UNC13B: variants seen among roughly 807,000 people sequenced by gnomAD.
The protein encoded by UNC13B is protein unc-13 homolog B.
UNC13B carries 144 observed loss-of-function variants against 211.0 expected under a neutral mutation model. The observed-to-expected ratio is 0.68, with a 90% CI of 0.60 to 0.78. The LOEUF (loss-of-function observed/expected upper bound fraction) is 0.78. UNC13B is among the 30% of genes least tolerant of loss of function. The pLI, the probability that UNC13B is intolerant of heterozygous loss-of-function variation, is 0.00. For synonymous variants in UNC13B, 709 were observed against 725.8 expected (o/e 0.98, Z 0.37); for missense variants, 1,777 against 2,002.0 (o/e 0.89, Z 2.14).
In UNC13B at chr9:35,251,186, G is replaced by A. The variant is rs367917673; in HGVS notation, c.469-7807G>A. Among the ~76,000 whole-genome samples, 34 of 151,916 alleles carry A rather than the reference G, an allele frequency of 2.2e-4. No homozygotes were observed. The East Asian group carries it at 5.1e-3, about 23-fold the overall frequency. ...TCACCGTGTTAGCCAGGACGGTCTC[G>A]ATCCTCTGACCTCGTGATCCGCCCG... is the stretch of plus-strand genomic sequence containing the variant. On this transcript the variant is annotated intron_variant, in intron 6 of 39. Coordinates refer to ENST00000635942, the MANE Select transcript of UNC13B (RefSeq NM_001371189.2).
rs1564122593 is a variant in UNC13B at position 35,301,560 on chromosome 9, G to A, written c.2156G>A (p.Trp719Ter). The change falls in exon 9 of 40, where the codon TGG becomes TAG. Residue 719 changes from tryptophan to a stop codon, truncating the protein, a stop_gained. Transcript: ENST00000635942. LOFTEE classifies it high-confidence loss of function. ...LNGSDEETTG[W>*]FQMPTSENLL... ...GGGAGTGATGAAGAAACTACGGGCT[G>A]GTTCCAGATGCCCACAAGTGAGAAT... 2.5e-6 allele frequency: 1 copy of A among 398,750 alleles called. No individual in the cohort carries two copies. Among genetic ancestry groups the A allele is most frequent in the Admixed American group, 4.4e-5 (1 of 22,700 alleles). The allele number at this position is 398,750 out of a possible 1,614,324, so 24.7% of individuals were successfully genotyped here.
At chr9:35,331,023 A>T (rs1831339510) in intron 11 of UNC13B, among the ~76,000 whole-genome samples, 1 of 152,206 alleles carries the variant, frequency 6.6e-6, no homozygotes, top group African/African-American at 2.4e-5. Flanking sequence ...TTATGGAATA[A>T]GTCAGATTCC....
At chr9:35,376,347 C>G (rs926342834) in intron 15 of UNC13B, 100 bp downstream of exon 15, 2 of 1,187,746 alleles carry the variant, frequency 1.7e-6, no homozygotes, top group Admixed American at 2.0e-5. Context: ...ATCATTCCCC[C>G]AGTCCACCTG....
chr9:35,193,066 A>T (rs974780297), intron 1 of UNC13B, among the ~76,000 whole-genome samples: 3 of 152,156 alleles, frequency 2.0e-5, no homozygotes, highest in African/African-American at 7.2e-5. Flanking sequence ...ACACTGATTC[A>T]TGCAACTCAA....
intron 37 of UNC13B, among the ~76,000 whole-genome samples, chr9:35,401,347 C>T (rs988015076): frequency 6.6e-6 from 1 of 152,144 alleles, no homozygotes; most frequent in Non-Finnish European, 1.5e-5. Flanking sequence ...CTGCTCTATT[C>T]CCCATCTGTT....
intron 14 of UNC13B, 26 bp from the exon 15 acceptor site, chr9:35,376,002 C>G: frequency 6.2e-7 from 1 of 1,611,898 alleles, no homozygotes; most frequent in Non-Finnish European, 8.5e-7. Flanking sequence ...AAACAAAAAT[C>G]ATGGGATGGG....
Position 35,389,845 on chromosome 9 carries a change from G to T in UNC13B, c.11095-1G>T. 4.3e-6 allele frequency: 7 copies of T among 1,614,098 alleles called. No homozygotes were observed. The highest frequency in any genetic ancestry group is 5.9e-6 in the Non-Finnish European group (7 of 1,179,984). ...TCTCTCACTGTGTCCTCTGGATCAA[G>T]AAGCAGGAGCTACCTCCAGAGGAAC... On this transcript the variant is annotated splice_acceptor_variant, in intron 24 of 39. Coordinates refer to ENST00000635942, the MANE Select transcript of UNC13B (RefSeq NM_001371189.2). LOFTEE classifies it high-confidence loss of function.
At chr9:35,370,071 A>G (rs1263988935) in intron 12 of UNC13B, among the ~76,000 whole-genome samples, 1 of 152,230 alleles carries the variant, frequency 6.6e-6, no homozygotes, top group Non-Finnish European at 1.5e-5. Flanking sequence ...CTGGGATAAA[A>G]GAGCCTCAGT....
chr9:35,251,058 GT>G (rs1564093494), intron 6 of UNC13B, among the ~76,000 whole-genome samples: 2 of 150,440 alleles, frequency 1.3e-5, no homozygotes, highest in African/African-American at 4.9e-5. Flanking sequence ...CACCTCCCGG[GT>G]TCATGCCATT....
chr9:35,257,356 TATATAAATATTTATAAA>T (rs1826961089), intron 6 of UNC13B, among the ~76,000 whole-genome samples: 1 of 3,600 alleles, frequency 2.8e-4, no homozygotes, highest in Admixed American at 4.8e-3. Context: ...TAAAAATATT[TATATAAATATTTATAAA>T]ATATTTATAT....
At chr9:35,215,065 A>T (rs1824181692) in intron 1 of UNC13B, among the ~76,000 whole-genome samples, 1 of 152,220 alleles carries the variant, frequency 6.6e-6, no homozygotes, top group Admixed American at 6.5e-5. Context: ...GGAAGGATTG[A>T]GATACAAGAA....
intron 11 of UNC13B, among the ~76,000 whole-genome samples, chr9:35,339,322 C>T (rs777101725): frequency 6.2e-4 from 95 of 152,148 alleles, no homozygotes; most frequent in Non-Finnish European, 9.8e-4. Context: ...TAAAAAGCAC[C>T]CCATCCTTTC....
chr9:35,345,888 G>A (rs1205227054), intron 11 of UNC13B, among the ~76,000 whole-genome samples: 4 of 152,116 alleles, frequency 2.6e-5, no homozygotes, highest in African/African-American at 9.7e-5. Flanking sequence ...ACCTGAGATT[G>A]TCTCCCTTCT....
At chr9:35,330,642 C>G (rs1188750840) in intron 11 of UNC13B, among the ~76,000 whole-genome samples, 1 of 152,248 alleles carries the variant, frequency 6.6e-6, no homozygotes, top group Non-Finnish European at 1.5e-5. Context: ...CTTTCATGCA[C>G]TTGTCAGTAG....
chr9:35,355,117 T>C (rs1431795346), intron 11 of UNC13B, among the ~76,000 whole-genome samples: 2 of 152,276 alleles, frequency 1.3e-5, no homozygotes, highest in East Asian at 3.9e-4. Flanking sequence ...TTATCTAAGA[T>C]ATATTGACAT....
rs139853772 is a variant in UNC13B at position 35,283,447 on chromosome 9, T to C, written c.527-12249T>C. ...TTTATATTTCTGCTGCTGGTACTTA[T>C]TTTCACATTTAGCCTCACTGGCCCA... On this transcript the variant is annotated intron_variant, in intron 7 of 39. Coordinates refer to ENST00000635942, the MANE Select transcript of UNC13B (RefSeq NM_001371189.2). Among the ~76,000 whole-genome samples, 4 of 152,318 alleles carry C rather than the reference T, an allele frequency of 2.6e-5. No homozygotes were observed. In the East Asian group the frequency reaches 7.7e-4, roughly 29 times the overall value.
At chr9:35,340,937 G>T (rs1326985199) in intron 11 of UNC13B, among the ~76,000 whole-genome samples, 1 of 152,178 alleles carries the variant, frequency 6.6e-6, no homozygotes, top group African/African-American at 2.4e-5. Context: ...CAACTTGAGT[G>T]TTCTTTGAAG....
chr9:35,223,583 CTTG>C lies in UNC13B; in HGVS notation c.23-4428_23-4426del, dbSNP rs569538409. 1.0e-3 allele frequency among the ~76,000 whole-genome samples: 151 copies of C among 151,698 alleles called. 2 individuals carry two copies. Among genetic ancestry groups the C allele is most frequent in the Admixed American group, 7.4e-3 (113 of 15,258 alleles). On this transcript the variant is annotated intron_variant, in intron 1 of 39. Coordinates refer to ENST00000635942, the MANE Select transcript of UNC13B (RefSeq NM_001371189.2). ...CCTTATATATTCTGGATATTAGTCC[CTTG>C]TTGGATGAATAGTTTGCAAATATTG...
chr9:35,351,213 A>T (rs1007727679), intron 11 of UNC13B: 11 of 882,174 alleles, frequency 1.2e-5, no homozygotes, highest in Non-Finnish European at 1.4e-5. Context: ...TAATGTTTTT[A>T]TTCCTGCTTG....
Sources: allele counts gnomAD v4.1 joint callset (sites outside exome capture counted in the v4.1 genomes callset), GRCh38; gene constraint gnomAD v4.1.1; transcripts MANE v1.5; gene names NCBI Gene and HGNC (gene_info 2026-07-23, HGNC 2026-07-21).